The following TAF4B variants were observed in gnomAD, a reference collection of about 807,000 sequenced individuals.
TAF4B encodes the protein transcription initiation factor TFIID subunit 4B.
In TAF4B, 38 loss-of-function variants were observed where a neutral mutation model predicts 86.4. That is an observed-to-expected ratio of 0.44 (90% CI 0.34 to 0.58). TAF4B has a LOEUF of 0.58. Ranked by LOEUF, TAF4B falls within the 20% of genes least tolerant of loss-of-function variation. The pLI, the probability that TAF4B is intolerant of heterozygous loss-of-function variation, is 0.02. For synonymous variants in TAF4B, 388 were observed against 391.2 expected, an observed-to-expected ratio of 0.99 and a Z score of 0.10; for missense variants, 988 against 1,027.6, an observed-to-expected ratio of 0.96 and a Z score of 0.53.
intron 11 of TAF4B, among the ~76,000 whole-genome samples, chr18:26,322,534 C>T (rs2056971605): frequency 6.6e-6 from 1 of 152,126 alleles, no homozygotes; most frequent in South Asian, 2.1e-4. Context: ...TGGCATAGGA[C>T]TGTTAATAAT....
Position 26,227,255 on chromosome 18 carries a change from G to C in TAF4B, c.322G>C (p.Ala108Pro), listed in dbSNP as rs1474178475. The C allele has an allele frequency of 6.2e-7, 1 of 1,612,988 alleles. No individual in the cohort carries two copies. Among genetic ancestry groups the C allele is most frequent in the East Asian group, 2.2e-5 (1 of 44,710 alleles). ...APNTTTIQFP[A>P]NLQLPPGTVL... ...CAACACCACGACAATCCAGTTTCCT[G>C]CTAATTTGCAGCTTCCTCCAGGTAT... Residue 108 changes from alanine to proline, a missense_variant, in exon 1 of 15, where the codon GCT becomes CCT. This residue lies in a region of TAF4B where 747 missense variants were observed against 737.9 expected (regional missense o/e 1.01). Transcript: ENST00000269142.
At chr18:26,282,161 T>C (rs2056458239) in intron 6 of TAF4B, 101 bp downstream of exon 6, 1 of 973,280 alleles carries the variant, frequency 1.0e-6, no homozygotes, top group African/African-American at 1.7e-5. Flanking sequence ...AATGTGAAGA[T>C]ACTGACAGTG....
intron 1 of TAF4B, among the ~76,000 whole-genome samples, chr18:26,237,738 A>G (rs143373644): frequency 6.6e-6 from 1 of 152,188 alleles, no homozygotes; most frequent in African/African-American, 2.4e-5. Context: ...GTCAAACTGC[A>G]GGATAGTATT....
chr18:26,299,104 G>T (rs2144628639), intron 9 of TAF4B, among the ~76,000 whole-genome samples: 1 of 145,860 alleles, frequency 6.9e-6, no homozygotes, highest in East Asian at 2.1e-4. Context: ...CAGGTGATCT[G>T]CCTGCCTCGG....
At chr18:26,301,208 T>C (rs1363322034) in intron 9 of TAF4B, among the ~76,000 whole-genome samples, 1 of 152,196 alleles carries the variant, frequency 6.6e-6, no homozygotes, top group Non-Finnish European at 1.5e-5. Context: ...TCCTGTGGTA[T>C]AGTTGTTTGC....
chr18:26,309,679 A>C (rs578073041), intron 9 of TAF4B, among the ~76,000 whole-genome samples: 1 of 152,138 alleles, frequency 6.6e-6, no homozygotes, highest in Non-Finnish European at 1.5e-5. Flanking sequence ...AATAATACCA[A>C]TTTTTAGTTT....
At chr18:26,256,302 C>T (rs2056083359) in intron 1 of TAF4B, 1 of 1,448,890 alleles carries the variant, frequency 6.9e-7, no homozygotes, top group African/African-American at 1.4e-5. Flanking sequence ...CTTAGCTCTG[C>T]AAATACAGCA....
At chr18:26,289,465 TTTTG>T (rs1272256851) in intron 7 of TAF4B, among the ~76,000 whole-genome samples, 12 of 152,092 alleles carry the variant, frequency 7.9e-5, no homozygotes, top group Non-Finnish European at 1.6e-4. Context: ...TTTGCGTTTG[TTTTG>T]TTTGTTTTGT....
intron 11 of TAF4B, among the ~76,000 whole-genome samples, chr18:26,324,334 A>G (rs1387763168): frequency 6.6e-6 from 1 of 152,088 alleles, no homozygotes; most frequent in East Asian, 1.9e-4. Context: ...CTGGTCTCAA[A>G]CTCCTGGCCT....
At chr18:26,275,140 TA>T in intron 5 of TAF4B, 87 bp downstream of exon 5, 1 of 1,289,684 alleles carries the variant, frequency 7.8e-7, no homozygotes, top group Non-Finnish European at 1.0e-6. Flanking sequence ...AAATGGGATT[TA>T]TTTAATTTAT....
chr18:26,301,558 C>T (rs770364207), intron 9 of TAF4B, among the ~76,000 whole-genome samples: 2 of 152,032 alleles, frequency 1.3e-5, no homozygotes, highest in Non-Finnish European at 1.5e-5. Flanking sequence ...CCTTCCAAAG[C>T]GCTGGGATTA....
chr18:26,313,991 T>A (rs2056877235), intron 9 of TAF4B, among the ~76,000 whole-genome samples: 2 of 152,174 alleles, frequency 1.3e-5, no homozygotes, highest in Non-Finnish European at 1.5e-5. Flanking sequence ...TTTGCTTACA[T>A]CTCTTATATG....
chr18:26,253,695 C>G (rs891768274), intron 1 of TAF4B, among the ~76,000 whole-genome samples: 11 of 152,146 alleles, frequency 7.2e-5, no homozygotes, highest in African/African-American at 2.4e-4. Flanking sequence ...GTGAAGTCAT[C>G]TGGACCTGCG....
intron 14 of TAF4B, among the ~76,000 whole-genome samples, chr18:26,358,813 A>G (rs1170268869): frequency 6.6e-6 from 1 of 152,232 alleles, no homozygotes; most frequent in African/African-American, 2.4e-5. Flanking sequence ...AAGGTCAGCA[A>G]TAAAAGAGCC....
chr18:26,387,029 T>C (rs77460087), intron 14 of TAF4B, among the ~76,000 whole-genome samples: 2,195 of 152,304 alleles, frequency 0.014, 41 homozygotes, highest in African/African-American at 0.05. Context: ...GTATCTAATT[T>C]ATGGCTAAAG....
chr18:26,340,365 A>G lies in TAF4B; in HGVS notation c.2316+5134A>G, dbSNP rs181843906. 1.4e-4 allele frequency among the ~76,000 whole-genome samples: 22 copies of G among 152,348 alleles called. 1 individual carries two copies. The highest frequency in any genetic ancestry group is 2.5e-4 in the Non-Finnish European group (17 of 68,026). ...TGTATTTAAACTTCATGCAAGTTCT[A>G]CATGGCCAAAACTCATGGAGTACTG... On this transcript the variant is annotated intron_variant, in intron 13 of 14. Transcript: ENST00000269142.
Position 26,383,600 on chromosome 18 carries a change from G to A in TAF4B, c.2422-6245G>A, listed in dbSNP as rs549415387. On this transcript the variant is annotated intron_variant, in intron 14 of 14. Coordinates refer to ENST00000269142, the MANE Select transcript of TAF4B (RefSeq NM_005640.3). Reference sequence around the variant, plus strand: ...GAAAATGAGAGAGCGTTCTGTTGGAGATAAAGATGGGGGTGATCATTAGCT... The same window carrying A: ...GAAAATGAGAGAGCGTTCTGTTGGAAATAAAGATGGGGGTGATCATTAGCT... Among the ~76,000 whole-genome samples, 4 of 152,286 alleles carry A rather than the reference G, an allele frequency of 2.6e-5. No individual in the cohort carries two copies. The South Asian group carries it at 8.3e-4, about 32-fold the overall frequency.
chr18:26,315,843 T>A (rs2056905548), intron 10 of TAF4B, among the ~76,000 whole-genome samples: 1 of 152,170 alleles, frequency 6.6e-6, no homozygotes. Context: ...AAAAACTAGA[T>A]TAGAGTCTTA....
intron 9 of TAF4B, among the ~76,000 whole-genome samples, chr18:26,303,644 C>T (rs376808912): frequency 7.2e-5 from 9 of 125,756 alleles, no homozygotes; most frequent in South Asian, 3.0e-4. Context: ...ATACCCCCTC[C>T]ACTTTCATAC....
Sources: gnomAD v4.1 joint callset for allele counts (sites outside exome capture counted in the v4.1 genomes callset) on GRCh38, gnomAD v4.1.1 for gene constraint, gnomAD v4.1.1 regional missense constraint, MANE v1.5 for transcripts, NCBI Gene and HGNC (gene_info 2026-07-23, HGNC 2026-07-21) for gene names.